The following SLC27A1 variants were observed in gnomAD, a reference collection of about 807,000 sequenced individuals.
The protein encoded by SLC27A1 is long-chain fatty acid transport protein 1.
A neutral mutation model predicts 62.2 loss-of-function variants in SLC27A1; 61 were observed. The observed-to-expected ratio is 0.98, with a 90% CI of 0.80 to 1.21. SLC27A1 has a LOEUF of 1.21. Among genes scored for constraint, SLC27A1 ranks in the 50% most tolerant of loss-of-function variants. The probability of loss-of-function intolerance (pLI) is 0.00; values close to 1 mark genes in which losing one functional copy is unlikely to be tolerated. For synonymous variants in SLC27A1, 435 were observed against 408.6 expected, an observed-to-expected ratio of 1.06 and a Z score of -0.78; for missense variants, 903 against 932.1, an observed-to-expected ratio of 0.97 and a Z score of 0.41.
chr19:17,470,888 T>G (rs2075069848), intron 1 of SLC27A1, among the ~76,000 whole-genome samples, 181 bp downstream of exon 1: 5 of 134,314 alleles, frequency 3.7e-5, no homozygotes, highest in Admixed American at 7.7e-5. Context: ...GGTGACCAGT[T>G]GGGGGTCTCT....
intron 1 of SLC27A1, among the ~76,000 whole-genome samples, chr19:17,482,340 G>A (rs937744722): frequency 1.3e-5 from 2 of 152,098 alleles, no homozygotes; most frequent in East Asian, 1.9e-4. Context: ...CCAACATGAC[G>A]AAACTCCGTC....
intron 1 of SLC27A1, among the ~76,000 whole-genome samples, chr19:17,480,247 C>T (rs550987767): frequency 7.2e-4 from 109 of 152,116 alleles, no homozygotes; most frequent in African/African-American, 2.4e-3. Context: ...GGGCTGGTCT[C>T]GAACTCCTGA....
rs1002969133 is a variant in SLC27A1, at chr19:17,505,095, T to C, written c.*483T>C. The stretch of plus-strand genomic sequence containing the variant: ...TTTTAGTAGAGACGGGGTTTCACCA[T>C]GTTGGTCAGGTTGGTCTTGAACTCC... On this transcript the variant is annotated 3_prime_UTR_variant, in exon 12 of 12. Coordinates refer to ENST00000252595, the MANE Select transcript of SLC27A1 (RefSeq NM_198580.3). The C allele has an allele frequency of 2.8e-6, 1 of 356,542 alleles. No individual in the cohort carries two copies. The highest frequency in any genetic ancestry group is 3.8e-5 in the Admixed American group (1 of 26,480). 22.1% of individuals were successfully genotyped at this position (356,542 alleles called of 1,614,324 possible).
chr19:17,493,144 GA>G (rs769361489), intron 6 of SLC27A1, among the ~76,000 whole-genome samples: 2 of 146,210 alleles, frequency 1.4e-5, no homozygotes, highest in Non-Finnish European at 3.0e-5. Flanking sequence ...AAGAAAAATA[GA>G]GGACAGGGCC....
chr19:17,475,155 T>C (rs1599639092), intron 1 of SLC27A1, among the ~76,000 whole-genome samples: 1 of 152,166 alleles, frequency 6.6e-6, no homozygotes, highest in African/African-American at 2.4e-5. Context: ...CCTCAGGTCA[T>C]CCGCCTGCCT....
rs750622126 is a variant in SLC27A1, at chr19:17,500,853, C to T, written c.1613C>T (p.Ala538Val). 47 of 1,609,852 alleles carry T rather than the reference C, an allele frequency of 2.9e-5. No individual in the cohort carries two copies. In the South Asian group the frequency reaches 3.1e-4, roughly 11 times the overall value. Residue 538 changes from alanine to valine, a missense_variant, in exon 10 of 12, where the codon GCC (alanine) becomes GTC (valine). Ala to Val is a moderately conservative substitution (Grantham distance 64, BLOSUM62 0). Transcript: ENST00000252595. ...CGCCTGCTGGGCCAGACAGACGTGG[C>T]CGTCTATGGGGTGGCTGTTCCAGGC... ...LSRLLGQTDVAVYGVAVPGVE... is the reference protein window; with the variant it reads ...LSRLLGQTDVVVYGVAVPGVE...
At chr19:17,483,342 G>C (rs1321873243) in intron 1 of SLC27A1, among the ~76,000 whole-genome samples, 4 of 152,140 alleles carry the variant, frequency 2.6e-5, no homozygotes, top group African/African-American at 9.7e-5. Flanking sequence ...AGTAAGCATG[G>C]TGCATGGGCC....
intron 6 of SLC27A1, chr19:17,496,729 G>A (rs938233927): frequency 2.6e-5 from 4 of 154,490 alleles, no homozygotes; most frequent in African/African-American, 9.7e-5. Context: ...GTAGGGGGAG[G>A]AGGAAAGACA....
rs2075235678 is a variant in SLC27A1 at position 17,486,791 on chromosome 19, C to T, written c.396C>T (p.Ala132=). ...QLGFAPGDVV[A]IFLEGRPEFV... ...GCTTCGCGCCGGGCGACGTGGTGGC[C>T]ATCTTCCTGGAGGGCCGGCCGGAGT... Residue 132 remains alanine, a synonymous_variant, in exon 2 of 12, where the codon GCC becomes GCT. Coordinates refer to ENST00000252595, the MANE Select transcript of SLC27A1 (RefSeq NM_198580.3). This position sits in a 1 kb window ranked among gnomAD's most constrained non-coding sequence, Gnocchi z 6.6. The T allele has an allele frequency of 6.2e-7, 1 of 1,602,068 alleles. No individual in the cohort carries two copies. The highest frequency in any genetic ancestry group is 8.5e-7 in the Non-Finnish European group (1 of 1,175,142).
At position 17,504,597 on chromosome 19, in the gene SLC27A1, C is replaced by T. The variant is rs762455693; in HGVS notation, c.1926C>T (p.Gly642=). 26 of 1,614,042 alleles carry T rather than the reference C, an allele frequency of 1.6e-5. No homozygotes were observed. Among genetic ancestry groups the T allele is most frequent in the East Asian group, 2.2e-5 (1 of 44,880 alleles). The change falls in exon 12 of 12, where the codon GGC becomes GGT. Residue 642 remains glycine (G), a synonymous_variant. Coordinates refer to ENST00000252595, the MANE Select transcript of SLC27A1 (RefSeq NM_198580.3). ...NEAVYTRICS[G]AFAL ...CAGTCTACACTCGCATCTGCTCGGG[C>T]GCCTTCGCCCTCTGAAGCTGTTCCT...
rs2075248066 is a variant in SLC27A1 at position 17,487,457 on chromosome 19, C to T, written c.725-3C>T. ...CCACCCCTAACACCTGTATCTCCTGCAGATCGTCTTTTCTACATCTACACG... is the reference window on the plus strand; with the variant it reads ...CCACCCCTAACACCTGTATCTCCTGTAGATCGTCTTTTCTACATCTACACG... On this transcript the variant is annotated splice_region_variant and splice_polypyrimidine_tract_variant and intron_variant, in intron 3 of 11. Coordinates refer to ENST00000252595, the MANE Select transcript of SLC27A1 (RefSeq NM_198580.3). The T allele has an allele frequency of 1.9e-6, 3 of 1,604,748 alleles. No homozygotes were observed. The highest frequency in any genetic ancestry group is 2.2e-4 in the Middle Eastern group (1 of 4,650).
At chr19:17,479,954 T>G (rs1374976074) in intron 1 of SLC27A1, among the ~76,000 whole-genome samples, 2 of 151,860 alleles carry the variant, frequency 1.3e-5, no homozygotes, top group East Asian at 3.9e-4. Flanking sequence ...TGGTCTGCTC[T>G]TTGGAAGCTA....
chr19:17,504,587 T>C lies in SLC27A1; in HGVS notation c.1916T>C (p.Ile639Thr). The C allele has an allele frequency of 6.2e-7, 1 of 1,614,172 alleles. No homozygotes were observed. Among genetic ancestry groups the C allele is most frequent in the Non-Finnish European group, 8.5e-7 (1 of 1,180,022 alleles). ...TTAAATGAGGCAGTCTACACTCGCA[T>C]CTGCTCGGGCGCCTTCGCCCTCTGA... ...LPLNEAVYTR[I>T]CSGAFAL The change falls in exon 12 of 12, where the codon ATC becomes ACC. Residue 639 changes from isoleucine to threonine, a missense_variant. Physicochemically the swap from Ile to Thr is moderately conservative, Grantham distance 89. Transcript: ENST00000252595.
intron 11 of SLC27A1, 106 bp from the exon 12 acceptor site, chr19:17,504,349 A>AG (rs2075451642): frequency 1.4e-6 from 2 of 1,382,452 alleles, no homozygotes; most frequent in East Asian, 4.6e-5. Context: ...ATTCCTGCCC[A>AG]GGGGACAGCC....
intron 6 of SLC27A1, chr19:17,489,920 T>C (rs1424726262): frequency 1.3e-5 from 2 of 152,478 alleles, no homozygotes; most frequent in African/African-American, 2.4e-5. Flanking sequence ...GGTGAGAGGT[T>C]GTCCAGGGAC....
intron 11 of SLC27A1, among the ~76,000 whole-genome samples, chr19:17,504,061 A>G (rs2075447585): frequency 6.6e-6 from 1 of 151,854 alleles, no homozygotes; most frequent in Non-Finnish European, 1.5e-5. Context: ...CTGAGATTAT[A>G]GGCATGAGCC....
chr19:17,470,416 G>T (rs1304201686), upstream of SLC27A1: 15 of 1,178,904 alleles, frequency 1.3e-5, no homozygotes, highest in African/African-American at 1.6e-5. Flanking sequence ...CCGGACTCGC[G>T]GGGGGCGCAG....
At chr19:17,470,312 C>T, upstream of SLC27A1, 1 of 501,178 alleles carries the variant, frequency 2.0e-6, no homozygotes. Flanking sequence ...TCCTAGTTAG[C>T]GGGCGGGTGT....
intron 6 of SLC27A1, among the ~76,000 whole-genome samples, chr19:17,493,635 T>G (rs1013091978): frequency 4.0e-5 from 6 of 151,886 alleles, no homozygotes; most frequent in Non-Finnish European, 7.4e-5. Flanking sequence ...TTACTTTTTT[T>G]TTTTTTTGAG....
Sources: allele counts gnomAD v4.1 joint callset (sites outside exome capture counted in the v4.1 genomes callset), GRCh38; gene constraint gnomAD v4.1.1; non-coding constraint Gnocchi (gnomAD v3.1); transcripts MANE v1.5; gene names NCBI Gene and HGNC (gene_info 2026-07-23, HGNC 2026-07-21).